EVC: variants seen among roughly 807,000 people sequenced by gnomAD.
EVC encodes evC complex member EVC.
A neutral mutation model predicts 118.9 loss-of-function variants in EVC; 116 were observed. That is an observed-to-expected ratio of 0.98 (90% CI 0.84 to 1.14). The LOEUF (loss-of-function observed/expected upper bound fraction) is 1.14, where lower values mean the gene tolerates loss of function less well. Among genes scored for constraint, EVC ranks in the 50% most tolerant of loss-of-function variants. The pLI is 0.00. For missense variants in EVC, 1,401 were observed against 1,246.4 expected, an observed-to-expected ratio of 1.12 and a Z score of -1.87; for synonymous variants, 619 against 534.7, an observed-to-expected ratio of 1.16 and a Z score of -2.18.
At chr4:5,753,305 C>A (rs116816567) in intron 9 of EVC, among the ~76,000 whole-genome samples, 1 of 152,210 alleles carries the variant, frequency 6.6e-6, no homozygotes, top group Non-Finnish European at 1.5e-5. Context: ...CCAGGGATTC[C>A]GGCTGATTGA....
In EVC at chr4:5,812,355, G is replaced by C. The variant is rs67547790; in HGVS notation, c.*1318G>C. 0.21 allele frequency: 32,011 copies of C among 156,078 alleles called. 3,641 individuals are homozygous for C. The highest frequency in any genetic ancestry group is 0.28 in the African/African-American group (10,792 of 38,398). 9.7% of individuals were successfully genotyped at this position (156,078 alleles called of 1,614,324 possible). Reference sequence around the variant, plus strand: ...CCAGAAGAGGCCTTTCCCACCGGGAGAGGAACTTCCAGACCAGCCCCTCAC... The same window carrying C: ...CCAGAAGAGGCCTTTCCCACCGGGACAGGAACTTCCAGACCAGCCCCTCAC... On this transcript the variant is annotated 3_prime_UTR_variant, in exon 21 of 21. Transcript: ENST00000264956.
intron 11 of EVC, among the ~76,000 whole-genome samples, chr4:5,757,620 G>A (rs12331393): frequency 2.0e-4 from 31 of 152,286 alleles, no homozygotes; most frequent in Non-Finnish European, 4.0e-4. Context: ...CTCCTCACAC[G>A]GTTATTTCTC....
rs1475223702 is a variant in EVC, at chr4:5,746,584, G to A, written c.939+1243G>A. On this transcript the variant is annotated intron_variant, in intron 7 of 20. Coordinates refer to ENST00000264956, the MANE Select transcript of EVC (RefSeq NM_153717.3). The surrounding 1 kb of genome is among the most constrained non-coding windows in gnomAD (Gnocchi z 5.8). ...TGAGGGCCAGAATGTTCTTAGAACTGTGGGCCAGGATGCTAAGGAAGAGGG... is the reference window on the plus strand; with the variant it reads ...TGAGGGCCAGAATGTTCTTAGAACTATGGGCCAGGATGCTAAGGAAGAGGG... Among the ~76,000 whole-genome samples the A allele has an allele frequency of 6.6e-6, 1 of 152,168 alleles. No individual in the cohort carries two copies.
chr4:5,800,135 A>G (rs1397314787), intron 15 of EVC, among the ~76,000 whole-genome samples: 1 of 152,180 alleles, frequency 6.6e-6, no homozygotes, highest in Non-Finnish European at 1.5e-5. Context: ...ACTTGAGGTC[A>G]GGAGTTTGAG....
At chr4:5,747,398 C>A (rs1283077864) in intron 7 of EVC, among the ~76,000 whole-genome samples, 1 of 152,218 alleles carries the variant, frequency 6.6e-6, no homozygotes, top group Non-Finnish European at 1.5e-5. Context: ...CGGGCTTTCA[C>A]TGGGTCCATG....
rs1577599969 is a variant in EVC at position 5,793,622 on chromosome 4, G to A, written c.1791G>A (p.Glu597=). The part of the protein sequence containing the change: ...LEQDQQVWME[E]CALSSVLQTH... ...CCCGAGTTCAGGTGTGGATGGAGGA[G>A]TGTGCGCTGTCCAGCGTGCTGCAGA... is the stretch of plus-strand genomic sequence containing the variant. The change falls in exon 13 of 21, where the codon GAG becomes GAA. Residue 597 remains glutamate (E), a synonymous_variant. Transcript: ENST00000264956. The A allele has an allele frequency of 1.3e-6, 2 of 1,552,122 alleles. No homozygotes were observed. Among genetic ancestry groups the A allele is most frequent in the Non-Finnish European group, 8.7e-7 (1 of 1,147,294 alleles).
intron 11 of EVC, among the ~76,000 whole-genome samples, chr4:5,773,216 T>C (rs1269540746): frequency 6.6e-6 from 1 of 152,176 alleles, no homozygotes; most frequent in Non-Finnish European, 1.5e-5. Context: ...TCTCCTGCTG[T>C]CCAGGTAACT....
chr4:5,816,358 A>G (rs75582804), downstream of EVC, among the ~76,000 whole-genome samples: 1,249 of 152,238 alleles, frequency 8.2e-3, 16 homozygotes, highest in African/African-American at 0.028. Context: ...CCGTGCTCAG[A>G]AATCCTTCCC....
intron 11 of EVC, among the ~76,000 whole-genome samples, chr4:5,782,389 A>ATTTTTTTTTTTTTTTTTTTTTTTT (rs71171482): frequency 1.3e-5 from 1 of 78,568 alleles, no homozygotes; most frequent in Non-Finnish European, 2.4e-5. Flanking sequence ...GTAAGGTTCC[A>ATTTTTTTTTTTTTTTTTTTTTTTT]TTTTTTTTTT....
At position 5,802,047 on chromosome 4, in the gene EVC, T is replaced by C. The variant is rs1473199751; in HGVS notation, c.2402T>C (p.Met801Thr). 1 of 1,614,220 alleles carries C rather than the reference T, an allele frequency of 6.2e-7. No individual in the cohort carries two copies. Among genetic ancestry groups the C allele is most frequent in the Non-Finnish European group, 8.5e-7 (1 of 1,180,044 alleles). ...QAYYQQIGRI[M>T]EDHEERKLQH... ...TATTACCAGCAAATCGGAAGGATCATGGAGGACCACGAGGAGAGAAAACTG... is the reference window on the plus strand; with the variant it reads ...TATTACCAGCAAATCGGAAGGATCACGGAGGACCACGAGGAGAGAAAACTG... Residue 801 changes from methionine (M) to threonine (T), a missense_variant, in exon 16 of 21, where the codon ATG (methionine) becomes ACG (threonine). Met to Thr is a moderately conservative substitution (Grantham distance 81, BLOSUM62 -1). Coordinates refer to ENST00000264956, the MANE Select transcript of EVC (RefSeq NM_153717.3).
chr4:5,795,854 T>G (rs772532869), intron 13 of EVC, among the ~76,000 whole-genome samples: 4 of 152,216 alleles, frequency 2.6e-5, no homozygotes, highest in Non-Finnish European at 5.9e-5. Context: ...GGTTTTCATA[T>G]CAGTTTATGA....
At chr4:5,790,180 CAAAAA>C (rs35158259) in intron 12 of EVC, among the ~76,000 whole-genome samples, 2 of 112,228 alleles carry the variant, frequency 1.8e-5, no homozygotes, top group African/African-American at 3.6e-5. Context: ...GACTCCATCT[CAAAAA>C]AAAAAAAAAA....
In EVC at chr4:5,768,204, C is replaced by A. The variant is rs565466734; in HGVS notation, c.1563+11842C>A. Among the ~76,000 whole-genome samples, 5 of 152,180 alleles carry A rather than the reference C, an allele frequency of 3.3e-5. No individual in the cohort carries two copies. The East Asian group carries it at 9.7e-4, about 29-fold the overall frequency. ...ATCTTGGAAGACGTTGCAGACTGTT[C>A]CAAGATAGTTGCATTTACTTCTGAG... On this transcript the variant is annotated intron_variant, in intron 11 of 20. Coordinates refer to ENST00000264956, the MANE Select transcript of EVC (RefSeq NM_153717.3).
intron 11 of EVC, among the ~76,000 whole-genome samples, chr4:5,770,159 CAG>C (rs1372528502): frequency 1.3e-5 from 2 of 152,100 alleles, no homozygotes; most frequent in Non-Finnish European, 2.9e-5. Context: ...ACAAGGCACA[CAG>C]AGTGTCACCA....
intron 16 of EVC, among the ~76,000 whole-genome samples, chr4:5,802,361 G>C (rs1166534492): frequency 6.6e-6 from 1 of 152,164 alleles, no homozygotes; most frequent in Non-Finnish European, 1.5e-5. Flanking sequence ...GATGGAGTCA[G>C]GGCCAGGGCT....
At chr4:5,759,764 G>A (rs1171988937) in intron 11 of EVC, among the ~76,000 whole-genome samples, 1 of 152,182 alleles carries the variant, frequency 6.6e-6, no homozygotes, top group Non-Finnish European at 1.5e-5. Flanking sequence ...CATCTGAGAC[G>A]GGTCTCAGTT....
the EVC span, chr4:5,820,828 C>G: frequency 1.3e-5 from 2 of 152,120 alleles, no homozygotes; most frequent in Non-Finnish European, 2.9e-5. Flanking sequence ...GCTTTGAATT[C>G]AGAAATAAGA....
rs566489622 is a variant in EVC, at chr4:5,753,138, G to A, written c.1315+86G>A. ...TGCAGTGAGAGGGCTGGCAGCCTGGGGCAGTGTGCCCATGATGCCGGGCAC... is the reference window on the plus strand; with the variant it reads ...TGCAGTGAGAGGGCTGGCAGCCTGGAGCAGTGTGCCCATGATGCCGGGCAC... On this transcript the variant is annotated intron_variant, in intron 9 of 20. Coordinates refer to ENST00000264956, the MANE Select transcript of EVC (RefSeq NM_153717.3). The A allele has an allele frequency of 5.2e-5, 68 of 1,304,790 alleles. No homozygotes were observed. In the South Asian group the frequency reaches 8.2e-4, roughly 16 times the overall value. 80.8% of individuals were successfully genotyped at this position (1,304,790 alleles called of 1,614,324 possible). A position where few individuals can be genotyped will look rare whatever the true frequency, so the allele number is the denominator to read the frequency against.
At chr4:5,730,395 CTT>C (rs923746614) in intron 3 of EVC, among the ~76,000 whole-genome samples, 3 of 151,074 alleles carry the variant, frequency 2.0e-5, no homozygotes, top group Non-Finnish European at 4.4e-5. Flanking sequence ...TCCATGGAAA[CTT>C]TGTGGTGAGC....
Sources: gnomAD v4.1 joint callset for allele counts (sites outside exome capture counted in the v4.1 genomes callset) on GRCh38, gnomAD v4.1.1 for gene constraint, Gnocchi (gnomAD v3.1) non-coding constraint, MANE v1.5 for transcripts, NCBI Gene and HGNC (gene_info 2026-07-23, HGNC 2026-07-21) for gene names.